MAN2B2: variants seen among roughly 807,000 people sequenced by gnomAD.
The protein encoded by MAN2B2 is mannosidase alpha class 2B member 2.
In MAN2B2, 106 loss-of-function variants were observed where a neutral mutation model predicts 117.1. The ratio of observed to expected loss-of-function variants is 0.90; its 90% CI spans 0.77 to 1.06. The LOEUF is 1.06. Among genes scored for constraint, MAN2B2 ranks in the 50% least tolerant of loss-of-function variants. The probability of loss-of-function intolerance (pLI) is 0.00; values close to 1 mark genes in which losing one functional copy is unlikely to be tolerated. For synonymous variants in MAN2B2, 544 were observed against 595.1 expected, an observed-to-expected ratio of 0.91 and a Z score of 1.25; for missense variants, 1,326 against 1,381.4, an observed-to-expected ratio of 0.96 and a Z score of 0.64.
In MAN2B2 at chr4:6,605,150, T is replaced by C; in HGVS notation, c.1635T>C (p.Thr545=). 3.1e-6 allele frequency: 5 copies of C among 1,614,182 alleles called. No homozygotes were observed. Among genetic ancestry groups the C allele is most frequent in the Non-Finnish European group, 4.2e-6 (5 of 1,180,026 alleles). ...ACCGGCACTACAACATCAGACCCAC[T>C]GCAGGGGCCCAAGAGGGCACCCAGG... ...LSYRHYNIRP[T]AGAQEGTQEP... The change falls in exon 11 of 19, where the codon ACT becomes ACC. Residue 545 remains threonine (T), a synonymous_variant. Transcript: ENST00000285599.
At chr4:6,583,592 G>T in intron 3 of MAN2B2, among the ~76,000 whole-genome samples, 1 of 152,226 alleles carries the variant, frequency 6.6e-6, no homozygotes, top group East Asian at 1.9e-4. Context: ...ATCCGTACGG[G>T]TCTGCAGCAA....
chr4:6,609,704 C>CA, intron 12 of MAN2B2, 94 bp from the exon 13 acceptor site: 2 of 1,258,490 alleles, frequency 1.6e-6, no homozygotes, highest in Non-Finnish European at 1.1e-6. Flanking sequence ...GTACCCTGCC[C>CA]TGCCCACCCT....
chr4:6,603,078 G>C (rs191449575), intron 10 of MAN2B2, among the ~76,000 whole-genome samples: 7 of 152,182 alleles, frequency 4.6e-5, no homozygotes, highest in Admixed American at 2.0e-4. Context: ...GGGAATATTT[G>C]TGATCTAATA....
chr4:6,576,747 CAGTT>C (rs1560632538), intron 2 of MAN2B2, 23 bp downstream of exon 2: 3 of 1,611,542 alleles, frequency 1.9e-6, no homozygotes, highest in Non-Finnish European at 2.5e-6. Context: ...CCAGGTGACA[CAGTT>C]GGCCCAGTAT....
At chr4:6,576,852 C>T (rs567237240) in intron 2 of MAN2B2, 128 bp downstream of exon 2, 36 of 1,032,688 alleles carry the variant, frequency 3.5e-5, no homozygotes, top group African/African-American at 3.0e-4. Flanking sequence ...AAAACCCCAC[C>T]GGGCTATTCA....
intron 3 of MAN2B2, among the ~76,000 whole-genome samples, chr4:6,580,557 C>T (rs907024785): frequency 3.9e-5 from 6 of 152,290 alleles, no homozygotes; most frequent in African/African-American, 7.2e-5. Context: ...TGCCATTTCA[C>T]GCAGTGCTCC....
chr4:6,576,747 C>A (rs771643519), intron 2 of MAN2B2, 23 bp downstream of exon 2: 1 of 1,611,542 alleles, frequency 6.2e-7, no homozygotes, highest in East Asian at 2.2e-5. Context: ...CCAGGTGACA[C>A]AGTTGGCCCA....
chr4:6,609,703 C>G lies in MAN2B2; in HGVS notation c.2007-95C>G. On this transcript the variant is annotated intron_variant, in intron 12 of 18. Coordinates refer to ENST00000285599, the MANE Select transcript of MAN2B2 (RefSeq NM_015274.3). ...CTCCCTGCCTTTCGGCGTACCCTGC[C>G]CTGCCCACCCTGCCCACATGAAGGA... 6 of 1,239,826 alleles carry G rather than the reference C, an allele frequency of 4.8e-6. No individual in the cohort carries two copies. The South Asian group carries it at 5.4e-5, about 11-fold the overall frequency. 76.8% of individuals were successfully genotyped at this position (1,239,826 alleles called of 1,614,324 possible).
intron 15 of MAN2B2, among the ~76,000 whole-genome samples, chr4:6,611,687 G>A (rs1174826564): frequency 1.3e-5 from 2 of 152,190 alleles, no homozygotes; most frequent in African/African-American, 2.4e-5. Flanking sequence ...CCAGCTACAC[G>A]GGAGACTGAG....
chr4:6,585,048 C>T (rs1294527409), intron 3 of MAN2B2, among the ~76,000 whole-genome samples: 1 of 152,078 alleles, frequency 6.6e-6, no homozygotes, highest in East Asian at 1.9e-4. Context: ...CCTGTGCTCC[C>T]CCCACCCTCT....
At chr4:6,594,136 C>G (rs1430620072) in intron 6 of MAN2B2, among the ~76,000 whole-genome samples, 2 of 152,036 alleles carry the variant, frequency 1.3e-5, no homozygotes, top group East Asian at 3.9e-4. Flanking sequence ...AGTAGTAACA[C>G]TGATGGGCCT....
intron 1 of MAN2B2, 77 bp from the exon 2 acceptor site, chr4:6,576,501 A>C: frequency 6.4e-7 from 1 of 1,555,380 alleles, no homozygotes; most frequent in Non-Finnish European, 8.8e-7. Flanking sequence ...ATGCAGACAC[A>C]CCTGGCGAAT....
At chr4:6,586,340 C>G (rs947513418) in intron 3 of MAN2B2, among the ~76,000 whole-genome samples, 1 of 152,322 alleles carries the variant, frequency 6.6e-6, no homozygotes, top group Non-Finnish European at 1.5e-5. Context: ...GGATGACAGG[C>G]GTGAGCCACA....
chr4:6,609,716 C>T, intron 12 of MAN2B2, 82 bp from the exon 13 acceptor site: 2 of 1,315,894 alleles, frequency 1.5e-6, no homozygotes, highest in South Asian at 1.3e-5. Context: ...GCCCACCCTG[C>T]CCACATGAAG....
Position 6,617,428 on chromosome 4 carries a change from T to A in MAN2B2, c.2750T>A (p.Leu917His). 1 of 1,614,124 alleles carries A rather than the reference T, an allele frequency of 6.2e-7. No individual in the cohort carries two copies. Among genetic ancestry groups the A allele is most frequent in the South Asian group, 1.1e-5 (1 of 91,080 alleles). The change falls in exon 17 of 19, where the codon CTC (leucine) becomes CAC (histidine). Residue 917 changes from leucine (L) to histidine (H), a missense_variant. Coordinates refer to ENST00000285599, the MANE Select transcript of MAN2B2 (RefSeq NM_015274.3). Reference protein sequence around the residue: ...QADLRRVLLRLYHLYEVGEDP... With the variant: ...QADLRRVLLRHYHLYEVGEDP... ...GACCTCCGCCGTGTCCTGCTGCGGC[T>A]CTACCACCTATATGAAGTGGGCGAG...
chr4:6,579,486 A>ACC, intron 3 of MAN2B2, among the ~76,000 whole-genome samples: 1 of 145,400 alleles, frequency 6.9e-6, no homozygotes, highest in African/African-American at 2.6e-5. Flanking sequence ...CATCACTACC[A>ACC]CTACCATCAC....
In MAN2B2 at chr4:6,622,650, G is replaced by T. The variant is rs1484683410; in HGVS notation, c.*1365G>T. On this transcript the variant is annotated 3_prime_UTR_variant, in exon 19 of 19. Transcript: ENST00000285599. ...GGGGATTCACCATGTTGGCCAGGCTGATCTGGAACTCCTGACCTCAGGTGA... is the reference window on the plus strand; with the variant it reads ...GGGGATTCACCATGTTGGCCAGGCTTATCTGGAACTCCTGACCTCAGGTGA... 1.3e-5 allele frequency: 2 copies of T among 152,224 alleles called. No individual in the cohort carries two copies. Among genetic ancestry groups the T allele is most frequent in the Non-Finnish European group, 2.9e-5 (2 of 68,086 alleles). 9.4% of individuals were successfully genotyped at this position (152,224 alleles called of 1,614,324 possible).
intron 3 of MAN2B2, among the ~76,000 whole-genome samples, chr4:6,579,139 C>T (rs1726236936): frequency 3.2e-5 from 3 of 95,036 alleles, no homozygotes; most frequent in African/African-American, 7.7e-5. Flanking sequence ...CCACCACCAC[C>T]ATCACCACCA....
At chr4:6,613,265 G>A (rs1476932883) in intron 15 of MAN2B2, among the ~76,000 whole-genome samples, 2 of 152,188 alleles carry the variant, frequency 1.3e-5, no homozygotes, top group Admixed American at 6.5e-5. Flanking sequence ...CAAAACAGGG[G>A]TGGAACTGGC....
Sources: allele counts gnomAD v4.1 joint callset (sites outside exome capture counted in the v4.1 genomes callset), GRCh38; gene constraint gnomAD v4.1.1; transcripts MANE v1.5; gene names NCBI Gene and HGNC (gene_info 2026-07-23, HGNC 2026-07-21).